Variants in LRP6 observed in about 807,000 individuals in gnomAD.
The protein encoded by LRP6 is LDL receptor related protein 6.
In LRP6, 43 loss-of-function variants were observed where a neutral mutation model predicts 184.1. The ratio of observed to expected loss-of-function variants is 0.23; its 90% confidence interval spans 0.18 to 0.30. The LOEUF is 0.30. Among genes scored for constraint, LRP6 ranks in the 10% least tolerant of loss-of-function variants. The pLI, the probability that LRP6 is intolerant of heterozygous loss-of-function variation, is 1.00. For synonymous variants in LRP6, 719 were observed against 684.9 expected (o/e 1.05, Z -0.78); for missense variants, 1,571 against 2,005.3 (o/e 0.78, Z 4.14).
chr12:12,237,653 G>C (rs368037039), intron 2 of LRP6, among the ~76,000 whole-genome samples: 3 of 152,270 alleles, frequency 2.0e-5, no homozygotes, highest in East Asian at 3.9e-4. Flanking sequence ...CCACTTCTGT[G>C]GTATTCTTGC....
At chr12:12,155,224 T>G in intron 12 of LRP6, 1 of 683,518 alleles carries the variant, frequency 1.5e-6, no homozygotes, top group Non-Finnish European at 2.7e-6. Context: ...ACAAAAAGTC[T>G]TTCAGCCAGA....
intron 2 of LRP6, among the ~76,000 whole-genome samples, chr12:12,225,095 C>T (rs1864582347): frequency 6.6e-6 from 1 of 152,030 alleles, no homozygotes; most frequent in Non-Finnish European, 1.5e-5. Context: ...ATCCCAGCTA[C>T]TTGGGAGGCT....
chr12:12,185,236 C>T (rs1863440355), intron 4 of LRP6, among the ~76,000 whole-genome samples: 1 of 152,076 alleles, frequency 6.6e-6, no homozygotes, highest in African/African-American at 2.4e-5. Context: ...AAGTTCGAGG[C>T]TGCAGGGAGC....
chr12:12,169,192 G>A (rs1418406473), intron 7 of LRP6, among the ~76,000 whole-genome samples: 1 of 151,658 alleles, frequency 6.6e-6, no homozygotes, highest in Non-Finnish European at 1.5e-5. Flanking sequence ...TCGCACCATT[G>A]CACTCCAGCC....
intron 19 of LRP6, among the ~76,000 whole-genome samples, chr12:12,127,313 G>A (rs901609483): frequency 1.1e-4 from 17 of 152,054 alleles, no homozygotes; most frequent in Non-Finnish European, 1.6e-4. Context: ...CCAAGATTTC[G>A]GGAAAAAATT....
At chr12:12,219,412 C>A (rs945454419) in intron 2 of LRP6, among the ~76,000 whole-genome samples, 1 of 152,078 alleles carries the variant, frequency 6.6e-6, no homozygotes, top group Non-Finnish European at 1.5e-5. Flanking sequence ...CCCATGTTGG[C>A]CAGGATGGTA....
rs1328213992 is a variant in LRP6, at chr12:12,150,792, T to C, written c.2994+44A>G. 7 of 1,598,720 alleles carry C rather than the reference T, an allele frequency of 4.4e-6. No individual in the cohort carries two copies. The Admixed American group carries it at 1.2e-4, about 27-fold the overall frequency. ...GAAACAGAGTGGTTGGTGAGTCCAG[T>C]TATTAGTCAGGAGAAATGAATTTTG... is the stretch of plus-strand genomic sequence containing the variant. On this transcript the variant is annotated intron_variant, in intron 13 of 22. Coordinates refer to ENST00000261349, the MANE Select transcript of LRP6 (RefSeq NM_002336.3).
intron 3 of LRP6, among the ~76,000 whole-genome samples, chr12:12,190,229 T>C (rs749361617): frequency 5.9e-5 from 9 of 152,174 alleles, no homozygotes; most frequent in Non-Finnish European, 7.4e-5. Flanking sequence ...TGGCTGAGAT[T>C]ACCAAGTAAG....
At chr12:12,139,482 G>C (rs1341899960) in intron 15 of LRP6, among the ~76,000 whole-genome samples, 2 of 152,172 alleles carry the variant, frequency 1.3e-5, no homozygotes, top group African/African-American at 4.8e-5. Context: ...TCAGTAATCT[G>C]GGAGGCTGAG....
intron 2 of LRP6, among the ~76,000 whole-genome samples, chr12:12,209,645 C>T (rs1396249072): frequency 1.3e-5 from 2 of 151,856 alleles, no homozygotes; most frequent in Admixed American, 1.3e-4. Context: ...CAAATGTAAC[C>T]GAAAAAGCGA....
chr12:12,145,409 T>A (rs192550589), intron 15 of LRP6, among the ~76,000 whole-genome samples: 1 of 152,078 alleles, frequency 6.6e-6, no homozygotes, highest in East Asian at 1.9e-4. Context: ...GAGTAAGCAG[T>A]CTCAACATTT....
At chr12:12,178,258 A>C (rs1331098615) in intron 7 of LRP6, among the ~76,000 whole-genome samples, 1 of 152,196 alleles carries the variant, frequency 6.6e-6, no homozygotes. Context: ...GTTATTCTGA[A>C]TAAATTTCTG....
intron 9 of LRP6, among the ~76,000 whole-genome samples, 153 bp downstream of exon 9, chr12:12,164,115 GCAAGA>G (rs1300811694): frequency 6.7e-6 from 1 of 149,336 alleles, no homozygotes; most frequent in Non-Finnish European, 1.5e-5. Context: ...GGGTGACAGA[GCAAGA>G]CACCGTTTAA....
At chr12:12,224,532 T>G (rs1470225229) in intron 2 of LRP6, among the ~76,000 whole-genome samples, 1 of 152,190 alleles carries the variant, frequency 6.6e-6, no homozygotes, top group East Asian at 1.9e-4. Context: ...TTAAATTTAT[T>G]TATATAGAAA....
At position 12,155,078 on chromosome 12, in the gene LRP6, CT is replaced by C. The variant is rs1179638635; in HGVS notation, c.2791+3750del. 6.1e-3 allele frequency among the ~76,000 whole-genome samples: 924 copies of C among 152,248 alleles called. 8 individuals carry two copies. The highest frequency in any genetic ancestry group is 0.021 in the African/African-American group (882 of 41,532). On this transcript the variant is annotated intron_variant, in intron 12 of 22. Coordinates refer to ENST00000261349, the MANE Select transcript of LRP6 (RefSeq NM_002336.3). ...AGGCACCGTGATGCACGCCTGTAAACTCAGCTACTCAGGAGGCTAAGACAGG... is the reference window on the plus strand; with the variant it reads ...AGGCACCGTGATGCACGCCTGTAAACCAGCTACTCAGGAGGCTAAGACAGG...
At chr12:12,135,459 T>C (rs1419649643) in intron 16 of LRP6, among the ~76,000 whole-genome samples, 159 bp from the exon 17 acceptor site, 2 of 144,372 alleles carry the variant, frequency 1.4e-5, no homozygotes, top group African/African-American at 2.5e-5. Flanking sequence ...ATTATTATTA[T>C]GGACTTTTTT....
chr12:12,142,516 A>G (rs1949948536), intron 15 of LRP6, among the ~76,000 whole-genome samples: 1 of 152,196 alleles, frequency 6.6e-6, no homozygotes, highest in South Asian at 2.1e-4. Flanking sequence ...AAAAGGTCCC[A>G]GGATGAAAGC....
At chr12:12,193,486 G>C (rs1027748954) in intron 3 of LRP6, among the ~76,000 whole-genome samples, 3 of 148,838 alleles carry the variant, frequency 2.0e-5, no homozygotes, top group African/African-American at 7.5e-5. Context: ...CAACCCTTTA[G>C]TGCTAGACTG....
intron 3 of LRP6, among the ~76,000 whole-genome samples, chr12:12,196,424 T>C (rs1333126888): frequency 6.6e-6 from 1 of 152,102 alleles, no homozygotes; most frequent in Non-Finnish European, 1.5e-5. Flanking sequence ...CTTGGTTAAA[T>C]TTATTCCTAG....
Sources: gnomAD v4.1 joint callset for allele counts (sites outside exome capture counted in the v4.1 genomes callset) on GRCh38, gnomAD v4.1.1 for gene constraint, MANE v1.5 for transcripts, NCBI Gene and HGNC (gene_info 2026-07-23, HGNC 2026-07-21) for gene names.